Variants in OSBPL9 observed in about 807,000 individuals in gnomAD.
The protein encoded by OSBPL9 is oxysterol binding protein like 9.
OSBPL9 carries 40 observed loss-of-function variants against 106.6 expected under a neutral mutation model. The observed-to-expected ratio is 0.38, with a 90% confidence interval of 0.29 to 0.49. OSBPL9 has a LOEUF of 0.49. Ranked by LOEUF, OSBPL9 falls within the 20% of genes least tolerant of loss-of-function variation. OSBPL9 has a pLI of 0.97. For missense variants in OSBPL9, 609 were observed against 887.2 expected, an observed-to-expected ratio of 0.69 and a Z score of 3.98; for synonymous variants, 269 against 295.4, an observed-to-expected ratio of 0.91 and a Z score of 0.92.
intron 4 of OSBPL9, among the ~76,000 whole-genome samples, chr1:51,717,288 C>A (rs12569262): frequency 2.6e-5 from 4 of 152,042 alleles, no homozygotes; most frequent in Non-Finnish European, 4.4e-5. Context: ...TTTCATTGAA[C>A]TTTATCTACT....
At chr1:51,763,906 T>G (rs1317914297) in intron 11 of OSBPL9, among the ~76,000 whole-genome samples, 1 of 152,174 alleles carries the variant, frequency 6.6e-6, no homozygotes, top group Non-Finnish European at 1.5e-5. Context: ...TACGTAAAAC[T>G]AGCAACAGAC....
the OSBPL9 span, among the ~76,000 whole-genome samples, chr1:51,533,635 C>A: frequency 2.6e-5 from 4 of 151,864 alleles, no homozygotes; most frequent in Non-Finnish European, 5.9e-5. Flanking sequence ...TTGAATCGAG[C>A]CTCAAAATGG....
chr1:51,773,449 A>T (rs1258716475), intron 14 of OSBPL9, among the ~76,000 whole-genome samples: 1 of 152,168 alleles, frequency 6.6e-6, no homozygotes, highest in Non-Finnish European at 1.5e-5. Flanking sequence ...TTTCATCAGG[A>T]AACTAAAACT....
rs552079034 is a variant in OSBPL9, at chr1:51,674,509, G to A, written c.241+4997G>A. Among the ~76,000 whole-genome samples, 6 of 152,288 alleles carry A rather than the reference G, an allele frequency of 3.9e-5. No individual in the cohort carries two copies. The South Asian group carries it at 1.2e-3, about 32-fold the overall frequency. The stretch of plus-strand genomic sequence containing the variant: ...CCTCTTATGTTTAAGGTGTCTGTGG[G>A]ACACATAGATGATGGTAATTGGATC... On this transcript the variant is annotated intron_variant, in intron 3 of 23. Coordinates refer to ENST00000428468, the MANE Select transcript of OSBPL9 (RefSeq NM_024586.6).
At chr1:51,525,191 G>A in the OSBPL9 span, among the ~76,000 whole-genome samples, 1 of 152,222 alleles carries the variant, frequency 6.6e-6, no homozygotes, top group African/African-American at 2.4e-5. Context: ...TCCCAGCTCA[G>A]CCCCATTTGA....
the OSBPL9 span, among the ~76,000 whole-genome samples, chr1:51,518,930 AGCGGCGCGGAGG>A: frequency 1.3e-5 from 2 of 151,342 alleles, no homozygotes; most frequent in South Asian, 2.1e-4. Flanking sequence ...TCCACTCGGC[AGCGGCGCGGAGG>A]GCGGCGAGGG....
intron 3 of OSBPL9, among the ~76,000 whole-genome samples, chr1:51,703,250 G>A (rs542688707): frequency 1.2e-3 from 188 of 152,232 alleles, no homozygotes; most frequent in African/African-American, 4.4e-3. Context: ...CCATTTTCAC[G>A]ATATTGATTC....
At chr1:51,693,184 G>C (rs1183832747) in intron 3 of OSBPL9, among the ~76,000 whole-genome samples, 2 of 151,600 alleles carry the variant, frequency 1.3e-5, no homozygotes, top group African/African-American at 2.4e-5. Flanking sequence ...GACCAGCCTG[G>C]GTAACATACC....
intron 4 of OSBPL9, among the ~76,000 whole-genome samples, chr1:51,744,609 T>G (rs1249092733): frequency 3.3e-5 from 5 of 152,168 alleles, no homozygotes; most frequent in Non-Finnish European, 7.3e-5. Context: ...AAGTCAAGTG[T>G]GAGATGGGTA....
At chr1:51,703,831 A>T (rs913112173) in intron 3 of OSBPL9, among the ~76,000 whole-genome samples, 2 of 152,280 alleles carry the variant, frequency 1.3e-5, no homozygotes, top group South Asian at 4.1e-4. Context: ...ATTTATTGAG[A>T]GTTTTTAGCA....
Position 51,785,862 on chromosome 1 carries a change from G to A in OSBPL9, c.1884G>A (p.Val628=), listed in dbSNP as rs1677491959. 1.2e-6 allele frequency: 2 copies of A among 1,611,434 alleles called. No individual in the cohort carries two copies. Among genetic ancestry groups the A allele is most frequent in the Non-Finnish European group, 1.7e-6 (2 of 1,179,462 alleles). The part of the protein sequence containing the change: ...FCSIEGEWNG[V]MYAKYATGEN... ...CAATTGAAGGGGAATGGAATGGTGT[G>A]ATGTATGCAAAATATGCAACAGGGG... The change falls in exon 21 of 24, where the codon GTG becomes GTA. Residue 628 remains valine, a synonymous_variant. Coordinates refer to ENST00000428468, the MANE Select transcript of OSBPL9 (RefSeq NM_024586.6).
intron 3 of OSBPL9, among the ~76,000 whole-genome samples, chr1:51,700,763 G>A (rs1657051695): frequency 6.6e-6 from 1 of 152,030 alleles, no homozygotes; most frequent in African/African-American, 2.4e-5. Context: ...TTATTCATTT[G>A]GGGGAGATAC....
At chr1:51,624,435 A>G (rs1459400868) in intron 1 of OSBPL9, among the ~76,000 whole-genome samples, 1 of 151,994 alleles carries the variant, frequency 6.6e-6, no homozygotes, top group South Asian at 2.1e-4. Flanking sequence ...TAAAAATACA[A>G]AAATTAGCCG....
chr1:51,583,846 T>TCACACA (rs560206196), intron 1 of OSBPL9: 1 of 150,708 alleles, frequency 6.6e-6, no homozygotes, highest in African/African-American at 2.4e-5. Context: ...GAATTAACAT[T>TCACACA]CACACACACA....
At chr1:51,590,032 C>CAAAAAAAAAAAAAAAAAAAAAAA (rs941103745) in intron 1 of OSBPL9, among the ~76,000 whole-genome samples, 5 of 50,288 alleles carry the variant, frequency 9.9e-5, no homozygotes, top group African/African-American at 2.8e-4. Flanking sequence ...GACTCCGTCT[C>CAAAAAAAAAAAAAAAAAAAAAAA]AAAAAAAAAA....
At chr1:51,698,059 G>A (rs1338706457) in intron 3 of OSBPL9, among the ~76,000 whole-genome samples, 3 of 152,018 alleles carry the variant, frequency 2.0e-5, no homozygotes, top group Non-Finnish European at 2.9e-5. Flanking sequence ...AACCTTATAA[G>A]GCCGAGGTAC....
intron 21 of OSBPL9, chr1:51,786,140 A>G: frequency 4.0e-6 from 2 of 506,078 alleles, no homozygotes; most frequent in Non-Finnish European, 6.9e-6. Flanking sequence ...AACACTTGAG[A>G]ATAATATATG....
chr1:51,662,845 C>T (rs974404154), intron 2 of OSBPL9, among the ~76,000 whole-genome samples: 1 of 150,408 alleles, frequency 6.6e-6, no homozygotes, highest in African/African-American at 2.5e-5. Context: ...CCCAGGTTCA[C>T]GCCATTCTCC....
the OSBPL9 span, among the ~76,000 whole-genome samples, chr1:51,550,481 GTAAA>G: frequency 7.9e-5 from 12 of 152,130 alleles, no homozygotes; most frequent in Non-Finnish European, 1.5e-4. Flanking sequence ...GCACTGCTCA[GTAAA>G]TACTAATACA....
Sources: gnomAD v4.1 joint callset for allele counts (sites outside exome capture counted in the v4.1 genomes callset) on GRCh38, gnomAD v4.1.1 for gene constraint, MANE v1.5 for transcripts, NCBI Gene and HGNC (gene_info 2026-07-23, HGNC 2026-07-21) for gene names.